The following F5 variants were observed in gnomAD, a reference collection of about 807,000 sequenced individuals.
The protein encoded by F5 is coagulation factor V.
F5 carries 138 observed loss-of-function variants against 216.4 expected under a neutral mutation model. The ratio of observed to expected loss-of-function variants is 0.64; its 90% CI spans 0.56 to 0.73. The LOEUF (loss-of-function observed/expected upper bound fraction) is 0.73. F5 is among the 30% of genes least tolerant of loss of function. The probability of loss-of-function intolerance (pLI) is 0.00; values close to 1 mark genes in which losing one functional copy is unlikely to be tolerated. For synonymous variants in F5, 916 were observed against 930.7 expected, an observed-to-expected ratio of 0.98 and a Z score of 0.29; for missense variants, 2,403 against 2,674.0, an observed-to-expected ratio of 0.90 and a Z score of 2.24.
chr1:169,524,032 G>T (rs1306267954), intron 19 of F5, 128 bp from the exon 20 acceptor site: 13 of 777,940 alleles, frequency 1.7e-5, no homozygotes, highest in Non-Finnish European at 2.6e-5. Flanking sequence ...GTCTAGGCAT[G>T]GGCCTCAGCT....
rs368243071 is a variant in F5, at chr1:169,544,315, C to G, written c.1956G>C (p.Thr652=). Residue 652 remains threonine, a synonymous_variant, in exon 12 of 25, where the codon ACG becomes ACC. Transcript: ENST00000367797. ...ACTCACCAACATTATCCATTGTGAC[C>G]GTCACAGATTCTCCACGCATGGGGA... The part of the protein sequence containing the change: ...TLFPMRGESV[T]VTMDNVGTWM... The G allele has an allele frequency of 5.0e-6, 8 of 1,613,758 alleles. No homozygotes were observed. In the Admixed American group the frequency reaches 1.3e-4, roughly 27 times the overall value.
chr1:169,577,383 T>C (rs1005501699), intron 2 of F5, among the ~76,000 whole-genome samples: 3 of 151,210 alleles, frequency 2.0e-5, no homozygotes, highest in African/African-American at 7.3e-5. Context: ...ATTATTTATT[T>C]ATTTAGAGAT....
chr1:169,582,308 T>A, intron 2 of F5, 123 bp downstream of exon 2: 1 of 541,074 alleles, frequency 1.8e-6, no homozygotes. Context: ...AGCCAGTACT[T>A]CTTAAAAAAA....
At chr1:169,544,540 T>A in intron 11 of F5, 32 bp from the exon 12 acceptor site, 2 of 1,581,976 alleles carry the variant, frequency 1.3e-6, no homozygotes, top group South Asian at 1.1e-5. Context: ...AAATTCCAAG[T>A]CTATGCCAAC....
Position 169,518,511 on chromosome 1 carries a change from G to A in F5, c.6246C>T (p.Ile2082=), listed in dbSNP as rs1460128252. The A allele has an allele frequency of 1.9e-6, 3 of 1,613,918 alleles. No individual in the cohort carries two copies. The highest frequency in any genetic ancestry group is 2.2e-5 in the East Asian group (1 of 44,872). The part of the protein sequence containing the change: ...MENGKIENKQ[I]TASSFKKSWW... ...AAGATTTCTTAAACGAAGAAGCTGT[G>A]ATTTGCTTGTTTTCTATCTTTCCAT... The change falls in exon 23 of 25, where the codon ATC becomes ATT. Residue 2082 remains isoleucine (I), a synonymous_variant. Transcript: ENST00000367797.
chr1:169,532,435 C>T (rs1305271769), intron 14 of F5, among the ~76,000 whole-genome samples: 1 of 152,094 alleles, frequency 6.6e-6, no homozygotes, highest in Non-Finnish European at 1.5e-5. Context: ...TGATTCTGTA[C>T]CTAGAAAACC....
rs763947584 is a variant in F5, at chr1:169,550,056, T to C, written c.1397-41A>G. 5 of 1,453,982 alleles carry C rather than the reference T, an allele frequency of 3.4e-6. No homozygotes were observed. In the East Asian group the frequency reaches 1.1e-4, roughly 33 times the overall value. The allele number at this position is 1,453,982 out of a possible 1,614,324, so 90.1% of individuals were successfully genotyped here. On this transcript the variant is annotated intron_variant, in intron 9 of 24. Coordinates refer to ENST00000367797, the MANE Select transcript of F5 (RefSeq NM_000130.5). ...TTCAAAATTGTTTTCATTTGCAAAG[T>C]TATTTCATGATAATAAATAAATAAA...
At chr1:169,569,442 C>T (rs996282699) in intron 3 of F5, among the ~76,000 whole-genome samples, 4 of 151,962 alleles carry the variant, frequency 2.6e-5, no homozygotes, top group Non-Finnish European at 2.9e-5. Context: ...ATATTAAATT[C>T]TCCATGAAAC....
Position 169,546,525 on chromosome 1 carries a change from T to C in F5, c.1679A>G (p.Glu560Gly), listed in dbSNP as rs754675252. The change falls in exon 11 of 25, where the codon GAG becomes GGG. Residue 560 changes from glutamate (E) to glycine (G), a missense_variant. Glu to Gly is a moderately conservative substitution (Grantham distance 98, BLOSUM62 -2). Coordinates refer to ENST00000367797, the MANE Select transcript of F5 (RefSeq NM_000130.5). ...TTCACAAAACTTGTTGATGTTGTCC[T>C]CAAGGTACCAGCTTTTGTTCTCATC... ...VFDENKSWYL[E>G]DNINKFCENP... is the part of the protein sequence containing the mutation. The C allele has an allele frequency of 6.2e-7, 1 of 1,614,202 alleles. No individual in the cohort carries two copies.
intron 2 of F5, among the ~76,000 whole-genome samples, chr1:169,575,424 A>G (rs952018592): frequency 6.6e-6 from 1 of 152,110 alleles, no homozygotes; most frequent in Non-Finnish European, 1.5e-5. Flanking sequence ...AGTATCTGGA[A>G]GCCATTAAAG....
chr1:169,550,051 C>A (rs1329643574), intron 9 of F5, 36 bp from the exon 10 acceptor site: 2 of 1,509,312 alleles, frequency 1.3e-6, no homozygotes, highest in Non-Finnish European at 1.8e-6. Flanking sequence ...TTTTCATTTG[C>A]AAAGTTATTT....
intron 19 of F5, 62 bp from the exon 20 acceptor site, chr1:169,523,966 G>C (rs1451124406): frequency 1.4e-6 from 2 of 1,412,504 alleles, no homozygotes; most frequent in African/African-American, 2.8e-5. Context: ...AATTTCTCAA[G>C]TGAGTTTAAT....
Position 169,541,527 on chromosome 1 carries a change from G to A in F5, c.3563C>T (p.Pro1188Leu), listed in dbSNP as rs1659850858. Residue 1188 changes from proline to leucine, a missense_variant, in exon 13 of 25, where the codon CCA (proline) becomes CTA (leucine). This residue lies in a region of F5 where 1,425 missense variants were observed against 1,554.8 expected (regional missense o/e 0.92). Transcript: ENST00000367797. ...EHEVWQTVISPDLSQVTLSPE... is the reference protein window; with the variant it reads ...EHEVWQTVISLDLSQVTLSPE... Reference sequence around the variant, plus strand: ...AGAGAGGGTCACCTGGCTGAGGTCTGGAGAGATGACTGTCTGCCAGACTTC... The same window carrying A: ...AGAGAGGGTCACCTGGCTGAGGTCTAGAGAGATGACTGTCTGCCAGACTTC... 6.2e-7 allele frequency: 1 copy of A among 1,614,182 alleles called. No homozygotes were observed. The highest frequency in any genetic ancestry group is 8.5e-7 in the Non-Finnish European group (1 of 1,180,014).
At chr1:169,536,116 G>A (rs1659698768) in intron 14 of F5, among the ~76,000 whole-genome samples, 1 of 151,876 alleles carries the variant, frequency 6.6e-6, no homozygotes, top group Admixed American at 6.6e-5. Context: ...TTAATTTTTA[G>A]GAAAACACCT....
chr1:169,554,156 A>ATGGACCTCCCTAGCCCTCCCTG (rs1660254374), intron 7 of F5, among the ~76,000 whole-genome samples: 1 of 70,730 alleles, frequency 1.4e-5, no homozygotes, highest in Non-Finnish European at 3.1e-5. Flanking sequence ...ATGACTCTCA[A>ATGGACCTCCCTAGCCCTCCCTG]AATGACCTCC....
At chr1:169,531,938 C>A (rs1040249127) in intron 14 of F5, among the ~76,000 whole-genome samples, 1 of 151,990 alleles carries the variant, frequency 6.6e-6, no homozygotes, top group Non-Finnish European at 1.5e-5. Context: ...TACATAGACA[C>A]AAAAATCTTC....
chr1:169,535,145 A>C (rs1659676289), intron 14 of F5, among the ~76,000 whole-genome samples: 1 of 152,224 alleles, frequency 6.6e-6, no homozygotes, highest in Non-Finnish European at 1.5e-5. Flanking sequence ...TACCCAGATA[A>C]CAAAACTGCA....
intron 1 of F5, 30 bp downstream of exon 1, chr1:169,586,199 A>G: frequency 6.2e-7 from 1 of 1,613,446 alleles, no homozygotes; most frequent in Non-Finnish European, 8.5e-7. Context: ...CTCTCTAGAG[A>G]AGCCCACCCG....
chr1:169,546,557 A>G lies in F5; in HGVS notation c.1647T>C (p.Ala549=). The change falls in exon 11 of 25, where the codon GCT becomes GCC. Residue 549 remains alanine (A), a synonymous_variant. Transcript: ENST00000367797. ...AADIEQQAVF[A]VFDENKSWYL... is the part of the protein sequence containing the mutation. ...ACCAGCTTTTGTTCTCATCAAACAC[A>G]GCAAACACAGCCTGCTGTTCGATGT... 2 of 1,614,180 alleles carry G rather than the reference A, an allele frequency of 1.2e-6. No individual in the cohort carries two copies. The highest frequency in any genetic ancestry group is 1.7e-6 in the Non-Finnish European group (2 of 1,180,000).
Sources: allele counts gnomAD v4.1 joint callset (sites outside exome capture counted in the v4.1 genomes callset), GRCh38; gene constraint gnomAD v4.1.1; regional missense constraint gnomAD v4.1.1; transcripts MANE v1.5; gene names NCBI Gene and HGNC (gene_info 2026-07-23, HGNC 2026-07-21).